GPC5: variants seen among roughly 807,000 people sequenced by gnomAD.
GPC5 encodes glypican 5.
In GPC5, 47 loss-of-function variants were observed where a neutral mutation model predicts 53.9. That is an observed-to-expected ratio of 0.87 (90% CI 0.69 to 1.11). The LOEUF (loss-of-function observed/expected upper bound fraction) is 1.11. Among genes scored for constraint, GPC5 ranks in the 50% most tolerant of loss-of-function variants. The probability of loss-of-function intolerance (pLI) is 0.00; values close to 1 mark genes in which losing one functional copy is unlikely to be tolerated. For missense variants in GPC5, 748 were observed against 713.1 expected (o/e 1.05, Z -0.56); for synonymous variants, 286 against 263.3 (o/e 1.09, Z -0.84).
At chr13:91,812,965 G>A (rs2038337117) in intron 5 of GPC5, among the ~76,000 whole-genome samples, 1 of 152,164 alleles carries the variant, frequency 6.6e-6, no homozygotes, top group African/African-American at 2.4e-5. Flanking sequence ...TGTATTCATT[G>A]TCTCTCACAT....
At chr13:92,648,866 G>A (rs1226815715) in intron 7 of GPC5, among the ~76,000 whole-genome samples, 1 of 152,050 alleles carries the variant, frequency 6.6e-6, no homozygotes, top group Non-Finnish European at 1.5e-5. Flanking sequence ...CTCATTAGAC[G>A]TAACTTTCCT....
At chr13:91,628,755 G>A (rs1455852154) in intron 2 of GPC5, among the ~76,000 whole-genome samples, 2 of 152,066 alleles carry the variant, frequency 1.3e-5, no homozygotes, top group Admixed American at 6.6e-5. Flanking sequence ...TCATTTCTGT[G>A]AGTAGTGTTG....
intron 7 of GPC5, among the ~76,000 whole-genome samples, chr13:92,347,863 ATTAT>A (rs1206570537): frequency 5.6e-5 from 1 of 17,736 alleles, no homozygotes; most frequent in African/African-American, 5.2e-4. Flanking sequence ...ACATATATAT[ATTAT>A]ATATATAATA....
intron 7 of GPC5, among the ~76,000 whole-genome samples, chr13:92,397,518 GGA>G (rs1875339956): frequency 6.6e-6 from 1 of 152,148 alleles, no homozygotes; most frequent in East Asian, 1.9e-4. Context: ...GCGTGAAAAC[GGA>G]CTAATACAGT....
intron 7 of GPC5, among the ~76,000 whole-genome samples, chr13:92,364,763 C>A (rs1283956938): frequency 2.0e-5 from 3 of 151,778 alleles, no homozygotes; most frequent in Admixed American, 1.3e-4. Context: ...AAATAAAATA[C>A]AATAAATAAA....
intron 7 of GPC5, among the ~76,000 whole-genome samples, chr13:92,711,533 C>T (rs186667996): frequency 8.5e-5 from 13 of 152,056 alleles, no homozygotes; most frequent in African/African-American, 2.6e-4. Context: ...TCTCACTAAT[C>T]GATAGAACAA....
chr13:92,475,091 G>T (rs1181731103), intron 7 of GPC5, among the ~76,000 whole-genome samples: 1 of 152,052 alleles, frequency 6.6e-6, no homozygotes, highest in Non-Finnish European at 1.5e-5. Flanking sequence ...AAGGACACAG[G>T]AACAAATTTA....
intron 6 of GPC5, among the ~76,000 whole-genome samples, chr13:91,924,296 T>C (rs1353553451): frequency 6.6e-6 from 1 of 152,246 alleles, no homozygotes; most frequent in African/African-American, 2.4e-5. Flanking sequence ...TTATTTTATA[T>C]CATCCAAAAG....
At chr13:92,443,177 G>T (rs1219690807) in intron 7 of GPC5, among the ~76,000 whole-genome samples, 6 of 152,074 alleles carry the variant, frequency 3.9e-5, no homozygotes, top group Non-Finnish European at 7.4e-5. Flanking sequence ...AGGGGAGGAA[G>T]TCCCAGGCTC....
At chr13:92,730,344 T>C (rs1888764150) in intron 7 of GPC5, among the ~76,000 whole-genome samples, 1 of 151,460 alleles carries the variant, frequency 6.6e-6, no homozygotes, top group Non-Finnish European at 1.5e-5. Context: ...AATAAATTTC[T>C]GTTCTGTACA....
chr13:91,999,860 C>T (rs989247621), intron 6 of GPC5, among the ~76,000 whole-genome samples: 4 of 152,182 alleles, frequency 2.6e-5, no homozygotes, highest in South Asian at 2.1e-4. Flanking sequence ...TCTAATTCCA[C>T]TTTCTGCATC....
At chr13:91,549,387 C>T (rs550175723) in intron 2 of GPC5, among the ~76,000 whole-genome samples, 19 of 151,894 alleles carry the variant, frequency 1.3e-4, no homozygotes, top group Non-Finnish European at 2.5e-4. Context: ...ATATGAAAAA[C>T]ATAACTGATA....
At chr13:92,519,333 C>T (rs1235588208) in intron 7 of GPC5, among the ~76,000 whole-genome samples, 1 of 152,182 alleles carries the variant, frequency 6.6e-6, no homozygotes, top group African/African-American at 2.4e-5. Context: ...ACATTCTTCT[C>T]AACACCACAT....
chr13:92,148,221 G>T (rs2041882291), intron 7 of GPC5, among the ~76,000 whole-genome samples: 1 of 151,778 alleles, frequency 6.6e-6, no homozygotes, highest in Non-Finnish European at 1.5e-5. Flanking sequence ...TCATGATTCT[G>T]CCCTATTTAT....
chr13:92,267,451 C>T (rs1353284547), intron 7 of GPC5, among the ~76,000 whole-genome samples: 1 of 152,028 alleles, frequency 6.6e-6, no homozygotes, highest in African/African-American at 2.4e-5. Context: ...TATTTCTTTT[C>T]TTGGCTTCTG....
In GPC5 at chr13:92,430,058, T is replaced by A. The variant is rs1241690671; in HGVS notation, c.1561+285069T>A. ...AGCCATTTCACAATGTATAACTATT[T>A]CAGAACAGCATGTTGTACATAATAA... is the stretch of plus-strand genomic sequence containing the variant. On this transcript the variant is annotated intron_variant, in intron 7 of 7. Transcript: ENST00000377067. Among the ~76,000 whole-genome samples the A allele has an allele frequency of 2.0e-5, 3 of 152,198 alleles. No homozygotes were observed. The East Asian group carries it at 5.8e-4, about 29-fold the overall frequency.
intron 7 of GPC5, among the ~76,000 whole-genome samples, chr13:92,796,642 T>A (rs1876696114): frequency 6.6e-6 from 1 of 152,078 alleles, no homozygotes; most frequent in Admixed American, 6.6e-5. Flanking sequence ...ACCATCCACC[T>A]TATTCAAAAC....
chr13:91,993,001 C>T (rs1002512713), intron 6 of GPC5, among the ~76,000 whole-genome samples: 75 of 152,134 alleles, frequency 4.9e-4, no homozygotes, highest in African/African-American at 1.1e-3. Context: ...CCATTTTAAA[C>T]GAATGTGTCA....
At chr13:92,737,688 A>G (rs1472272090) in intron 7 of GPC5, among the ~76,000 whole-genome samples, 2 of 151,756 alleles carry the variant, frequency 1.3e-5, no homozygotes, top group South Asian at 4.1e-4. Context: ...AGTCTTTTGA[A>G]GTGTGTGGCA....
Sources: allele counts gnomAD v4.1 joint callset (sites outside exome capture counted in the v4.1 genomes callset), GRCh38; gene constraint gnomAD v4.1.1; transcripts MANE v1.5; gene names NCBI Gene and HGNC (gene_info 2026-07-23, HGNC 2026-07-21).